CREB5: variants seen among roughly 807,000 people sequenced by gnomAD.
CREB5 encodes the protein cyclic AMP-responsive element-binding protein 5.
In CREB5, 19 loss-of-function variants were observed where a neutral mutation model predicts 57.1. The observed-to-expected ratio is 0.33, with a 90% confidence interval of 0.23 to 0.49. The LOEUF is 0.49. Ranked by LOEUF, CREB5 falls within the 20% of genes least tolerant of loss-of-function variation. The pLI is 0.99. For synonymous variants in CREB5, 238 were observed against 238.3 expected, an observed-to-expected ratio of 1.00 and a Z score of 0.01; for missense variants, 579 against 671.6, an observed-to-expected ratio of 0.86 and a Z score of 1.52.
chr7:28,583,648 G>C (rs961776843), intron 5 of CREB5, among the ~76,000 whole-genome samples: 1 of 152,116 alleles, frequency 6.6e-6, no homozygotes. Context: ...GGGCAGAGCC[G>C]CCTGTGCTTC....
intron 1 of CREB5, among the ~76,000 whole-genome samples, chr7:28,373,696 G>T (rs559413696): frequency 6.6e-6 from 1 of 151,870 alleles, no homozygotes; most frequent in East Asian, 1.9e-4. Context: ...AAAGTACTGG[G>T]ATTACAGGTG....
intron 5 of CREB5, among the ~76,000 whole-genome samples, chr7:28,625,971 T>A (rs1797984057): frequency 6.6e-6 from 1 of 152,240 alleles, no homozygotes; most frequent in Admixed American, 6.5e-5. Flanking sequence ...TACCATATGC[T>A]TTTCTTCAAC....
intron 4 of CREB5, among the ~76,000 whole-genome samples, chr7:28,529,969 T>C (rs1274999600): frequency 1.3e-5 from 2 of 152,196 alleles, no homozygotes; most frequent in Admixed American, 1.3e-4. Flanking sequence ...TTATCTCTTA[T>C]CATCACAGCT....
intron 5 of CREB5, among the ~76,000 whole-genome samples, chr7:28,673,096 A>G (rs550425952): frequency 6.3e-4 from 96 of 152,332 alleles, no homozygotes; most frequent in African/African-American, 2.2e-3. Flanking sequence ...ACTGTTGAGC[A>G]AAATTTGGAT....
At chr7:28,746,552 C>G (rs1804691117) in intron 7 of CREB5, among the ~76,000 whole-genome samples, 1 of 152,186 alleles carries the variant, frequency 6.6e-6, no homozygotes, top group Non-Finnish European at 1.5e-5. Context: ...GTTTTAGGAA[C>G]TAATGAACCT....
chr7:28,724,028 G>A (rs913868628), intron 6 of CREB5, among the ~76,000 whole-genome samples, 194 bp from the exon 7 acceptor site: 3 of 152,124 alleles, frequency 2.0e-5, no homozygotes, highest in Admixed American at 1.3e-4. Context: ...ATAGAAGCAC[G>A]GCTTTGGATG....
intron 5 of CREB5, among the ~76,000 whole-genome samples, chr7:28,573,426 T>C (rs1437793755): frequency 6.6e-6 from 1 of 152,190 alleles, no homozygotes; most frequent in African/African-American, 2.4e-5. Context: ...ATGAAAGTCT[T>C]CATTCAGGCT....
intron 1 of CREB5, among the ~76,000 whole-genome samples, chr7:28,400,953 A>G (rs190284207): frequency 6.6e-6 from 1 of 152,208 alleles, no homozygotes; most frequent in Non-Finnish European, 1.5e-5. Flanking sequence ...CCCTGTATAT[A>G]AAACATTCCT....
intron 7 of CREB5, among the ~76,000 whole-genome samples, chr7:28,760,252 T>C (rs151088577): frequency 1.1e-3 from 167 of 152,278 alleles, no homozygotes; most frequent in African/African-American, 3.9e-3. Flanking sequence ...CTAAATCAGA[T>C]TGAGTTTCCC....
At position 28,813,171 on chromosome 7, in the gene CREB5, G is replaced by A. The variant is rs1370291141; in HGVS notation, c.1254+3757G>A. Reference sequence around the variant, plus strand: ...AATGTCACACAACAAGTAGGTGGCAGAATGAGGACTCAGGGAAGTCTCCTG... The same window carrying A: ...AATGTCACACAACAAGTAGGTGGCAAAATGAGGACTCAGGGAAGTCTCCTG... On this transcript the variant is annotated intron_variant, in intron 9 of 10. Coordinates refer to ENST00000357727, the MANE Select transcript of CREB5 (RefSeq NM_182898.4). 3.9e-5 allele frequency among the ~76,000 whole-genome samples: 6 copies of A among 152,316 alleles called. No individual in the cohort carries two copies. In the East Asian group the frequency reaches 1.2e-3, roughly 29 times the overall value.
chr7:28,753,587 T>G (rs1454361322), intron 7 of CREB5, among the ~76,000 whole-genome samples: 2 of 152,212 alleles, frequency 1.3e-5, no homozygotes, highest in African/African-American at 2.4e-5. Context: ...GGGAGATAGA[T>G]TCATTGAAAT....
At chr7:28,338,054 T>C (rs1387122732) in intron 1 of CREB5, among the ~76,000 whole-genome samples, 1 of 152,158 alleles carries the variant, frequency 6.6e-6, no homozygotes, top group Admixed American at 6.5e-5. Flanking sequence ...GTTTCTATTT[T>C]TATCTTATTA....
chr7:28,732,330 G>T (rs148249699), intron 7 of CREB5, among the ~76,000 whole-genome samples: 2 of 152,060 alleles, frequency 1.3e-5, no homozygotes, highest in African/African-American at 4.8e-5. Context: ...AGCCCAGCAC[G>T]CGCATTGCTG....
chr7:28,811,232 T>C (rs753701391), intron 9 of CREB5, among the ~76,000 whole-genome samples: 2 of 152,224 alleles, frequency 1.3e-5, no homozygotes, highest in Non-Finnish European at 2.9e-5. Context: ...TCCTCATAGC[T>C]GGAGTGTCTA....
chr7:28,644,251 C>T (rs921577827), intron 5 of CREB5, among the ~76,000 whole-genome samples: 1 of 152,100 alleles, frequency 6.6e-6, no homozygotes, highest in Non-Finnish European at 1.5e-5. Flanking sequence ...GACAAGCAGA[C>T]CTGGTGATGC....
intron 5 of CREB5, among the ~76,000 whole-genome samples, chr7:28,684,696 T>G (rs1800770210): frequency 6.6e-6 from 1 of 152,128 alleles, no homozygotes; most frequent in Admixed American, 6.5e-5. Flanking sequence ...CAAAAGGCAT[T>G]AGGGGCAATA....
At chr7:28,416,967 G>C (rs569120373) in intron 1 of CREB5, among the ~76,000 whole-genome samples, 139 of 152,266 alleles carry the variant, frequency 9.1e-4, no homozygotes, top group Non-Finnish European at 1.3e-3. Flanking sequence ...CAAAACAAAA[G>C]GGGGGAAGAA....
Position 28,308,955 on chromosome 7 carries a change from A to G in CREB5, c.-25+9514A>G, listed in dbSNP as rs150717237. ...TAAGTGGGTGGATTTTGAGACTTCC[A>G]TAATGTAGGTGGGCCTCAACCAATC... On this transcript the variant is annotated intron_variant, in intron 1 of 9. Coordinates refer to the CREB5 transcript ENST00000396299. Among the ~76,000 whole-genome samples the G allele has an allele frequency of 6.6e-5, 10 of 152,358 alleles. No individual in the cohort carries two copies. In the East Asian group the frequency reaches 1.9e-3, roughly 29 times the overall value.
intron 5 of CREB5, among the ~76,000 whole-genome samples, chr7:28,601,453 C>T (rs868620544): frequency 2.0e-5 from 3 of 152,222 alleles, no homozygotes; most frequent in Non-Finnish European, 2.9e-5. Flanking sequence ...CCCGAACACA[C>T]CATCTGCTGG....
Sources: gnomAD v4.1 joint callset for allele counts (sites outside exome capture counted in the v4.1 genomes callset) on GRCh38, gnomAD v4.1.1 for gene constraint, MANE v1.5 for transcripts, NCBI Gene and HGNC (gene_info 2026-07-23, HGNC 2026-07-21) for gene names.